Variants in METTL2A observed in about 807,000 individuals in gnomAD.
METTL2A encodes the protein methyltransferase 2A, tRNA N3-cytidine.
METTL2A carries 45 observed loss-of-function variants against 49.4 expected under a neutral mutation model. The ratio of observed to expected loss-of-function variants is 0.91; its 90% CI spans 0.72 to 1.17. METTL2A has a LOEUF of 1.17. METTL2A is among the 50% of genes most tolerant of loss of function. The pLI, the probability that METTL2A is intolerant of heterozygous loss-of-function variation, is 0.00. For missense variants in METTL2A, 361 were observed against 462.2 expected, an observed-to-expected ratio of 0.78 and a Z score of 2.01; for synonymous variants, 118 against 167.5, an observed-to-expected ratio of 0.70 and a Z score of 2.28.
At chr17:62,436,711 C>T (rs2070702702) in intron 5 of METTL2A, among the ~76,000 whole-genome samples, 1 of 151,950 alleles carries the variant, frequency 6.6e-6, no homozygotes, top group Non-Finnish European at 1.5e-5. Context: ...TTGGGGTGGT[C>T]GTTGCTAAGG....
At chr17:62,434,699 G>A (rs1243781153) in intron 4 of METTL2A, among the ~76,000 whole-genome samples, 1 of 152,202 alleles carries the variant, frequency 6.6e-6, no homozygotes, top group Non-Finnish European at 1.5e-5. Context: ...AGAAAAATAA[G>A]CACAGGGATT....
At chr17:62,430,459 G>A (rs553038542) in intron 4 of METTL2A, among the ~76,000 whole-genome samples, 6 of 152,240 alleles carry the variant, frequency 3.9e-5, no homozygotes, top group African/African-American at 1.2e-4. Flanking sequence ...TGTGAATCAG[G>A]TTTAAATTGT....
At chr17:62,431,433 G>A (rs532388698) in intron 4 of METTL2A, among the ~76,000 whole-genome samples, 1 of 151,604 alleles carries the variant, frequency 6.6e-6, no homozygotes, top group African/African-American at 2.4e-5. Flanking sequence ...GCTCACTGTA[G>A]CTTCAACCTT....
chr17:62,434,468 T>C (rs2070687153), intron 4 of METTL2A, among the ~76,000 whole-genome samples: 1 of 152,196 alleles, frequency 6.6e-6, no homozygotes, highest in African/African-American at 2.4e-5. Flanking sequence ...AGTTCTGGGC[T>C]GTTGTTTCTA....
At chr17:62,431,200 C>T (rs575221740) in intron 4 of METTL2A, among the ~76,000 whole-genome samples, 6 of 152,072 alleles carry the variant, frequency 3.9e-5, no homozygotes, top group African/African-American at 1.4e-4. Context: ...GAGCTTTCAC[C>T]ATGTTGGCCA....
chr17:62,448,509 T>G lies in METTL2A; in HGVS notation c.983-66T>G, dbSNP rs2070783300. The G allele has an allele frequency of 1.9e-6, 3 of 1,591,546 alleles. No individual in the cohort carries two copies. The Admixed American group carries it at 5.2e-5, about 28-fold the overall frequency. On this transcript the variant is annotated intron_variant, in intron 8 of 8. Transcript: ENST00000311506. Reference sequence around the variant, plus strand: ...TCCCAGAGCCCCTTTTAACAAGGACTTAGTAGATAAAAATGCCTTTTCTTG... The same window carrying G: ...TCCCAGAGCCCCTTTTAACAAGGACGTAGTAGATAAAAATGCCTTTTCTTG...
intron 6 of METTL2A, among the ~76,000 whole-genome samples, chr17:62,441,214 C>G (rs1184258583): frequency 1.3e-5 from 2 of 152,200 alleles, no homozygotes; most frequent in African/African-American, 2.4e-5. Flanking sequence ...AGCATCTCAG[C>G]CATTTTCCTA....
intron 4 of METTL2A, among the ~76,000 whole-genome samples, chr17:62,432,171 C>T (rs1235580765): frequency 6.6e-6 from 1 of 152,172 alleles, no homozygotes. Context: ...CCTAAGCAAC[C>T]ACTACTCTAC....
intron 4 of METTL2A, among the ~76,000 whole-genome samples, chr17:62,429,293 A>G (rs2070648790): frequency 6.6e-6 from 1 of 152,016 alleles, no homozygotes; most frequent in South Asian, 2.1e-4. Flanking sequence ...GAGGGAGTTC[A>G]TTATGAATAA....
intron 7 of METTL2A, among the ~76,000 whole-genome samples, chr17:62,446,590 G>A (rs994596167): frequency 6.6e-6 from 1 of 152,232 alleles, no homozygotes; most frequent in Non-Finnish European, 1.5e-5. Flanking sequence ...TGGGATTACA[G>A]GTGTGAGCCA....
intron 7 of METTL2A, among the ~76,000 whole-genome samples, chr17:62,446,619 CT>C (rs953110404): frequency 7.9e-4 from 120 of 152,248 alleles, no homozygotes; most frequent in African/African-American, 2.8e-3. Flanking sequence ...GGCTTACAGC[CT>C]TTTTTTAAGC....
intron 4 of METTL2A, among the ~76,000 whole-genome samples, chr17:62,429,796 A>G (rs1280513254): frequency 3.3e-5 from 5 of 152,094 alleles, no homozygotes; most frequent in Non-Finnish European, 7.4e-5. Flanking sequence ...TCAGCCTCCC[A>G]AATACCTGGG....
chr17:62,444,178 G>C (rs2070754165), intron 6 of METTL2A, among the ~76,000 whole-genome samples: 2 of 152,244 alleles, frequency 1.3e-5, no homozygotes, highest in South Asian at 4.1e-4. Context: ...AGAACCCACT[G>C]GATGCTCAGG....
At chr17:62,448,442 C>T in intron 8 of METTL2A, 133 bp from the exon 9 acceptor site, 1 of 1,478,578 alleles carries the variant, frequency 6.8e-7, no homozygotes, top group Non-Finnish European at 9.0e-7. Flanking sequence ...GCCACCACTG[C>T]ATTTATAACC....
At chr17:62,434,871 C>T (rs28535144) in intron 4 of METTL2A, 5,805 of 295,892 alleles carry the variant, frequency 0.02, 330 homozygotes, top group African/African-American at 0.11. Context: ...CAGATGTGTT[C>T]CTGGTGTGGA....
intron 3 of METTL2A, among the ~76,000 whole-genome samples, chr17:62,427,570 C>T (rs2070636689): frequency 1.3e-5 from 2 of 152,194 alleles, no homozygotes; most frequent in African/African-American, 2.4e-5. Context: ...TAGACCACCT[C>T]GTTTCTGCTA....
At chr17:62,432,604 C>T (rs541522350) in intron 4 of METTL2A, among the ~76,000 whole-genome samples, 1 of 152,184 alleles carries the variant, frequency 6.6e-6, no homozygotes, top group Non-Finnish European at 1.5e-5. Context: ...TGGAGACCAT[C>T]CTGGCTAACA....
rs1476739933 is a variant in METTL2A at position 62,451,805 on chromosome 17, A to G, written c.*3076A>G. 6.6e-6 allele frequency among the ~76,000 whole-genome samples: 1 copy of G among 151,586 alleles called. No homozygotes were observed. The highest frequency in any genetic ancestry group is 6.6e-5 in the Admixed American group (1 of 15,140). On this transcript the variant is annotated 3_prime_UTR_variant, in exon 9 of 9. Transcript: ENST00000311506. ...CTTGGAAGGCTGAGGCAGGAGAATC[A>G]CTTGAATCTGGGAGGCGGAGGTTGC...
At chr17:62,443,090 T>TTAATAATTGCA (rs2070747525) in intron 6 of METTL2A, among the ~76,000 whole-genome samples, 1 of 152,162 alleles carries the variant, frequency 6.6e-6, no homozygotes, top group Non-Finnish European at 1.5e-5. Context: ...TTGCAGAGGT[T>TTAATAATTGCA]GACCAGGCAC....
Sources: gnomAD v4.1 joint callset for allele counts (sites outside exome capture counted in the v4.1 genomes callset) on GRCh38, gnomAD v4.1.1 for gene constraint, MANE v1.5 for transcripts, NCBI Gene and HGNC (gene_info 2026-07-23, HGNC 2026-07-21) for gene names.